Variants in COMMD6 observed in about 807,000 individuals in gnomAD.
COMMD6 encodes COMM domain-containing protein 6.
In COMMD6, 11 loss-of-function variants were observed where a neutral mutation model predicts 13.4. The observed-to-expected ratio is 0.82, with a 90% CI of 0.52 to 1.36. COMMD6 has a LOEUF of 1.36. COMMD6 is among the 40% of genes most tolerant of loss of function. The pLI is 0.00. For synonymous variants in COMMD6, 43 were observed against 36.5 expected, an observed-to-expected ratio of 1.18 and a Z score of -0.64; for missense variants, 124 against 102.4, an observed-to-expected ratio of 1.21 and a Z score of -0.91.
intron 3 of COMMD6, chr13:75,527,941 C>A: frequency 7.6e-7 from 1 of 1,307,942 alleles, no homozygotes. Context: ...AATATGGTGA[C>A]TACAGTAATA....
upstream of COMMD6, chr13:75,537,895 G>T: frequency 7.3e-7 from 1 of 1,366,296 alleles, no homozygotes; most frequent in Non-Finnish European, 1.0e-6. Flanking sequence ...GCGGCCTGGC[G>T]CATGGGGCGG....
chr13:75,542,394 A>G (rs910648315), upstream of COMMD6, among the ~76,000 whole-genome samples: 1 of 149,260 alleles, frequency 6.7e-6, no homozygotes, highest in Non-Finnish European at 1.5e-5. Context: ...AGCTTAAGTG[A>G]TTCTCCTGCC....
At chr13:75,549,161 C>T (rs1421489140) in intron 1 of COMMD6, among the ~76,000 whole-genome samples, 1 of 152,206 alleles carries the variant, frequency 6.6e-6, no homozygotes, top group African/African-American at 2.4e-5. Flanking sequence ...TGCCTCTACT[C>T]TACAGTGAAC....
intron 3 of COMMD6, among the ~76,000 whole-genome samples, chr13:75,527,649 A>G (rs1398696162): frequency 6.6e-6 from 1 of 152,150 alleles, no homozygotes; most frequent in African/African-American, 2.4e-5. Flanking sequence ...ATACATACAC[A>G]CACAATGGAA....
intron 1 of COMMD6, among the ~76,000 whole-genome samples, chr13:75,548,522 CATTG>C (rs1439810856): frequency 1.3e-5 from 2 of 152,296 alleles, no homozygotes; most frequent in African/African-American, 2.4e-5. Flanking sequence ...ATGGAGTTAT[CATTG>C]ATAACTTCTG....
upstream of COMMD6, among the ~76,000 whole-genome samples, chr13:75,541,580 T>C (rs1162755896): frequency 6.6e-6 from 1 of 151,958 alleles, no homozygotes; most frequent in Non-Finnish European, 1.5e-5. Context: ...TGGAGTGATG[T>C]GTTACTATTT....
upstream of COMMD6, among the ~76,000 whole-genome samples, chr13:75,540,067 T>C (rs572074888): frequency 4.9e-4 from 73 of 148,764 alleles, no homozygotes; most frequent in African/African-American, 1.7e-3. Context: ...AACTCCCGGG[T>C]TCAAGCGCTT....
upstream of COMMD6, among the ~76,000 whole-genome samples, chr13:75,539,232 T>A (rs111701237): frequency 3.0e-4 from 45 of 151,988 alleles, no homozygotes; most frequent in African/African-American, 1.0e-3. Context: ...CAATTAACTT[T>A]TTTTTTTTTT....
chr13:75,531,378 T>C (rs1188627973), intron 2 of COMMD6, among the ~76,000 whole-genome samples: 1 of 152,316 alleles, frequency 6.6e-6, no homozygotes, highest in South Asian at 2.1e-4. Flanking sequence ...TTTTGGGGTA[T>C]GGAATAGGGG....
chr13:75,532,059 C>G (rs2030497648), intron 2 of COMMD6, among the ~76,000 whole-genome samples: 1 of 152,198 alleles, frequency 6.6e-6, no homozygotes, highest in South Asian at 2.1e-4. Flanking sequence ...AGTTATGATT[C>G]AGTTCACTTA....
intron 2 of COMMD6, chr13:75,537,456 C>G: frequency 6.4e-7 from 1 of 1,551,576 alleles, no homozygotes; most frequent in Non-Finnish European, 8.7e-7. Context: ...CGGGCTAGTG[C>G]AGGGTGGGGA....
intron 2 of COMMD6, among the ~76,000 whole-genome samples, chr13:75,533,696 T>C (rs1266532662): frequency 6.6e-6 from 1 of 152,124 alleles, no homozygotes; most frequent in Non-Finnish European, 1.5e-5. Flanking sequence ...AAACTGATCA[T>C]ATGAAGGATG....
chr13:75,530,081 C>A (rs369820198), intron 3 of COMMD6, 33 bp downstream of exon 3: 11 of 1,556,302 alleles, frequency 7.1e-6, no homozygotes, highest in Non-Finnish European at 9.6e-6. Context: ...TACAGAAAAG[C>A]TGAGCTAAAA....
chr13:75,539,754 T>C (rs2030793702), upstream of COMMD6, among the ~76,000 whole-genome samples: 1 of 152,050 alleles, frequency 6.6e-6, no homozygotes, highest in African/African-American at 2.4e-5. Flanking sequence ...GTCCCTGGCA[T>C]GTAGCACTCG....
At chr13:75,537,866 C>T (rs916731023), upstream of COMMD6, 6 of 1,513,264 alleles carry the variant, frequency 4.0e-6, no homozygotes, top group Non-Finnish European at 5.3e-6. Context: ...AGCGCTTCCG[C>T]TTCCACGTCC....
chr13:75,534,062 T>C (rs1306017981), intron 2 of COMMD6, among the ~76,000 whole-genome samples: 1 of 152,046 alleles, frequency 6.6e-6, no homozygotes, highest in Non-Finnish European at 1.5e-5. Flanking sequence ...CTAGACCTCC[T>C]GGGCTCAAGC....
intron 2 of COMMD6, among the ~76,000 whole-genome samples, chr13:75,536,547 G>A (rs1443303040): frequency 6.6e-6 from 1 of 152,182 alleles, no homozygotes; most frequent in African/African-American, 2.4e-5. Context: ...GTCCTTATAA[G>A]AGGGAGGAAA....
chr13:75,529,836 C>T (rs563835444), intron 3 of COMMD6: 2 of 277,650 alleles, frequency 7.2e-6, no homozygotes, highest in African/African-American at 2.2e-5. Flanking sequence ...AATATCCTGC[C>T]ATTGAAGATA....
upstream of COMMD6, among the ~76,000 whole-genome samples, chr13:75,538,453 A>T (rs983595728): frequency 2.6e-5 from 4 of 152,104 alleles, no homozygotes; most frequent in Non-Finnish European, 5.9e-5. Context: ...TGAAAAATTT[A>T]TTTTTTTCAG....
Sources: allele counts gnomAD v4.1 joint callset (sites outside exome capture counted in the v4.1 genomes callset), GRCh38; gene constraint gnomAD v4.1.1; transcripts MANE v1.5; gene names NCBI Gene and HGNC (gene_info 2026-07-23, HGNC 2026-07-21).